RIC3: variants seen among roughly 807,000 people sequenced by gnomAD.
RIC3 encodes the protein RIC3 acetylcholine receptor chaperone.
RIC3 carries 28 observed loss-of-function variants against 27.3 expected under a neutral mutation model. The ratio of observed to expected loss-of-function variants is 1.02; its 90% confidence interval spans 0.76 to 1.41. The LOEUF (loss-of-function observed/expected upper bound fraction) is 1.41. RIC3 is among the 40% of genes most tolerant of loss of function. The probability of loss-of-function intolerance (pLI) is 0.00; values close to 1 mark genes in which losing one functional copy is unlikely to be tolerated. For synonymous variants in RIC3, 184 were observed against 160.4 expected (o/e 1.15, Z -1.11); for missense variants, 501 against 444.7 (o/e 1.13, Z -1.14).
chr11:8,104,084 C>CTGGGGCCA (rs1290861009), downstream of RIC3: 15 of 152,364 alleles, frequency 9.8e-5, no homozygotes, highest in African/African-American at 3.6e-4. Context: ...ACCACTGGCC[C>CTGGGGCCA]TGGGGCCATG....
the RIC3 span, among the ~76,000 whole-genome samples, chr11:8,099,764 G>A: frequency 6.6e-6 from 1 of 152,156 alleles, no homozygotes; most frequent in African/African-American, 2.4e-5. Flanking sequence ...GGCAGGGAGG[G>A]CGTCACTGAG....
chr11:8,117,633 C>T (rs6578930), intron 5 of RIC3, among the ~76,000 whole-genome samples: 147,113 of 152,236 alleles, frequency 0.97, 71,279 homozygotes, highest in East Asian at 1. Flanking sequence ...ATACATTATA[C>T]AGACTATAGT....
chr11:8,112,186 A>T (rs11041745), intron 5 of RIC3, among the ~76,000 whole-genome samples: 6,340 of 152,328 alleles, frequency 0.042, 156 homozygotes, highest in South Asian at 0.084. Context: ...TAGTTTAAAA[A>T]AGAAAACACA....
intron 1 of RIC3, among the ~76,000 whole-genome samples, chr11:8,161,195 C>G (rs118089519): frequency 0.031 from 4,649 of 152,268 alleles, 97 homozygotes; most frequent in Middle Eastern, 0.051. Context: ...CATAGAGTAG[C>G]TACCTGTAGA....
chr11:8,099,855 G>T, the RIC3 span, among the ~76,000 whole-genome samples: 1 of 152,192 alleles, frequency 6.6e-6, no homozygotes, highest in Non-Finnish European at 1.5e-5. Flanking sequence ...CAAAAGTCCT[G>T]AATGCCTGGC....
intron 5 of RIC3, among the ~76,000 whole-genome samples, chr11:8,117,997 C>T (rs890365994): frequency 2.0e-5 from 3 of 151,548 alleles, no homozygotes; most frequent in African/African-American, 7.3e-5. Context: ...CCGAGGCGGG[C>T]AGATCACGAG....
At chr11:8,097,698 C>T in the RIC3 span, 1 of 1,592,784 alleles carries the variant, frequency 6.3e-7, no homozygotes, top group Non-Finnish European at 8.6e-7. Context: ...AATATGACCT[C>T]ATTCCACTCC....
In RIC3 at chr11:8,110,768, A is replaced by C. The variant is rs774369790; in HGVS notation, c.1040T>G (p.Leu347Trp). ...EWSQDFKDEG[L>W]GISTDKAYTG... is the part of the protein sequence containing the mutation. ...ATATGCTTTATCGGTGCTGATGCCC[A>C]ACCCTTCATCTTTAAAGTCTTGGGA... The change falls in exon 6 of 6, where the codon TTG (leucine) becomes TGG (tryptophan). Residue 347 changes from leucine (L) to tryptophan (W), a missense_variant. Transcript: ENST00000309737. 1 of 1,614,194 alleles carries C rather than the reference A, an allele frequency of 6.2e-7. No individual in the cohort carries two copies. The highest frequency in any genetic ancestry group is 8.5e-7 in the Non-Finnish European group (1 of 1,180,038).
At chr11:8,144,702 A>G (rs954157430) in intron 1 of RIC3, among the ~76,000 whole-genome samples, 1 of 152,074 alleles carries the variant, frequency 6.6e-6, no homozygotes, top group African/African-American at 2.4e-5. Context: ...AGGACTATAA[A>G]TTATGCTGCT....
At chr11:8,158,846 C>G (rs1319229130) in intron 1 of RIC3, among the ~76,000 whole-genome samples, 2 of 144,624 alleles carry the variant, frequency 1.4e-5, no homozygotes, top group African/African-American at 5.2e-5. Context: ...CAATTCTCTG[C>G]CTCAGCCTCC....
chr11:8,163,551 A>G (rs1454223875), intron 1 of RIC3, among the ~76,000 whole-genome samples: 1 of 152,202 alleles, frequency 6.6e-6, no homozygotes, highest in Admixed American at 6.5e-5. Context: ...CAGTATCAAT[A>G]TACAAAAACT....
chr11:8,096,437 T>C, the RIC3 span, among the ~76,000 whole-genome samples: 3 of 152,134 alleles, frequency 2.0e-5, no homozygotes, highest in Admixed American at 2.0e-4. Context: ...GGTGGGGATA[T>C]ATCCTGAGGA....
At chr11:8,112,274 C>A (rs4353267) in intron 5 of RIC3, among the ~76,000 whole-genome samples, 44 of 117,420 alleles carry the variant, frequency 3.7e-4, no homozygotes, top group African/African-American at 1.2e-3. Flanking sequence ...CATATATTTT[C>A]TTTTCTTTTC....
At chr11:8,138,398 C>A in intron 2 of RIC3, 51 bp from the exon 3 acceptor site, 1 of 1,160,318 alleles carries the variant, frequency 8.6e-7, no homozygotes, top group South Asian at 1.3e-5. Flanking sequence ...GAACCTCAGT[C>A]ACGGAACCCC....
In RIC3 at chr11:8,107,799, G is replaced by A. The variant is rs1437815982; in HGVS notation, c.*2899C>T. The A allele has an allele frequency of 6.6e-6, 1 of 152,158 alleles. No homozygotes were observed. Among genetic ancestry groups the A allele is most frequent in the Non-Finnish European group, 1.5e-5 (1 of 68,036 alleles). The allele number at this position is 152,158 out of a possible 1,614,324, so 9.4% of individuals were successfully genotyped here. On this transcript the variant is annotated 3_prime_UTR_variant, in exon 6 of 6. Transcript: ENST00000309737. ...ATCCCAGATTATGCAGTTGTTTTGTGAGCTAACTGTCCATAAAGGTATGAC... is the reference window on the plus strand; with the variant it reads ...ATCCCAGATTATGCAGTTGTTTTGTAAGCTAACTGTCCATAAAGGTATGAC...
At chr11:8,160,581 G>A (rs1951076750) in intron 1 of RIC3, among the ~76,000 whole-genome samples, 1 of 152,134 alleles carries the variant, frequency 6.6e-6, no homozygotes, top group Non-Finnish European at 1.5e-5. Context: ...AAACCTAGAT[G>A]AGCAGCTCCT....
At chr11:8,118,243 A>AG (rs931742333) in intron 5 of RIC3, among the ~76,000 whole-genome samples, 11 of 150,270 alleles carry the variant, frequency 7.3e-5, no homozygotes, top group Non-Finnish European at 1.3e-4. Flanking sequence ...AAAAAAAAAA[A>AG]GACCATCATT....
At chr11:8,119,688 G>C (rs1364053097) in intron 5 of RIC3, among the ~76,000 whole-genome samples, 16 of 152,116 alleles carry the variant, frequency 1.1e-4, no homozygotes, top group Non-Finnish European at 1.5e-4. Flanking sequence ...AGCCAAAACA[G>C]ACAAATAGGA....
At chr11:8,101,833 GGGATGAGAA>G, downstream of RIC3, 1 of 711,126 alleles carries the variant, frequency 1.4e-6, no homozygotes, top group South Asian at 2.0e-5. Context: ...TGGGTGTGAA[GGGATGAGAA>G]TAATTCTTTC....
Sources: gnomAD v4.1 joint callset for allele counts (sites outside exome capture counted in the v4.1 genomes callset) on GRCh38, gnomAD v4.1.1 for gene constraint, MANE v1.5 for transcripts, NCBI Gene and HGNC (gene_info 2026-07-23, HGNC 2026-07-21) for gene names.